Variants in ST8SIA1 observed in about 807,000 individuals in gnomAD.
ST8SIA1 encodes the protein ST8 alpha-N-acetyl-neuraminide alpha-2,8-sialyltransferase 1, also known as alpha-N-acetylneuraminide alpha-2,8-sialyltransferase.
ST8SIA1 carries 16 observed loss-of-function variants against 35.9 expected under a neutral mutation model. The observed-to-expected ratio is 0.45, with a 90% CI of 0.30 to 0.68. ST8SIA1 has a LOEUF of 0.68. ST8SIA1 is among the 30% of genes least tolerant of loss of function. ST8SIA1 has a pLI of 0.09. For missense variants in ST8SIA1, 383 were observed against 453.6 expected (o/e 0.84, Z 1.41); for synonymous variants, 170 against 169.6 (o/e 1.00, Z -0.02).
intron 2 of ST8SIA1, among the ~76,000 whole-genome samples, chr12:22,262,818 C>G (rs1331954664): frequency 6.6e-6 from 1 of 152,160 alleles, no homozygotes; most frequent in Admixed American, 6.5e-5. Flanking sequence ...AAATCAGCAT[C>G]ATGCATTGGT....
At chr12:22,256,840 C>A (rs1403861516) in intron 2 of ST8SIA1, among the ~76,000 whole-genome samples, 2 of 152,182 alleles carry the variant, frequency 1.3e-5, no homozygotes, top group African/African-American at 4.8e-5. Context: ...ACCAGCCCAA[C>A]AAACATCAGA....
At chr12:22,297,915 C>T (rs780598415) in intron 1 of ST8SIA1, among the ~76,000 whole-genome samples, 2 of 152,036 alleles carry the variant, frequency 1.3e-5, no homozygotes, top group African/African-American at 2.4e-5. Flanking sequence ...AGCGGGATTA[C>T]AGGATTAGAA....
rs1591820450 is a variant in ST8SIA1, at chr12:22,195,337, G to C, written c.*6215C>G. The C allele has an allele frequency of 2.6e-5, 4 of 152,234 alleles. No individual in the cohort carries two copies. In the East Asian group the frequency reaches 7.7e-4, roughly 29 times the overall value. The allele number at this position is 152,234 out of a possible 1,614,324, so 9.4% of individuals were successfully genotyped here. On this transcript the variant is annotated 3_prime_UTR_variant, in exon 5 of 5. Transcript: ENST00000396037. The stretch of plus-strand genomic sequence containing the variant: ...CCTTGATACTGTCATGGTCCAAGTG[G>C]GTAAACAGGTACCACTCTGTTCTCT...
At position 22,324,586 on chromosome 12, in the gene ST8SIA1, C is replaced by T. The variant is rs115115374; in HGVS notation, c.236+9411G>A. ...ATTATATTTTTGTTTCATTTATACA[C>T]ACATTGGCATTGAATGATCCAGAAG... On this transcript the variant is annotated intron_variant, in intron 1 of 4. Transcript: ENST00000396037. 579 of 152,228 alleles carry T rather than the reference C, an allele frequency of 3.8e-3. 5 individuals carry two copies. The highest frequency in any genetic ancestry group is 0.013 in the African/African-American group (548 of 41,550). The allele number at this position is 152,228 out of a possible 1,614,324, so 9.4% of individuals were successfully genotyped here.
rs188696152 is a variant in ST8SIA1, at chr12:22,281,462, A to G, written c.381+5687T>C. Among the ~76,000 whole-genome samples, 6 of 152,296 alleles carry G rather than the reference A, an allele frequency of 3.9e-5. No homozygotes were observed. In the East Asian group the frequency reaches 7.7e-4, roughly 20 times the overall value. On this transcript the variant is annotated intron_variant, in intron 2 of 4. Transcript: ENST00000396037. ...CAGGGCCAATTACCTTAATTATTCA[A>G]TAGTAGTGGAACCATGTTCTAGATT...
At chr12:22,224,349 G>A (rs1022950807) in intron 4 of ST8SIA1, among the ~76,000 whole-genome samples, 9 of 148,260 alleles carry the variant, frequency 6.1e-5, no homozygotes, top group Admixed American at 6.8e-5. Flanking sequence ...CTTACTCTGC[G>A]CCCAGGCTGG....
rs1329762794 is a variant in ST8SIA1, at chr12:22,334,239, C to T, written c.-7G>A. 2 of 1,608,510 alleles carry T rather than the reference C, an allele frequency of 1.2e-6. No homozygotes were observed. The highest frequency in any genetic ancestry group is 1.7e-5 in the Admixed American group (1 of 59,750). On this transcript the variant is annotated 5_prime_UTR_variant, in exon 1 of 5. Transcript: ENST00000396037. ...CCCGCCCGCAGGGGCTCATCGCAGCCCCGGCGTCCCAGGGGCGGGGGCCGG... is the reference window on the plus strand; with the variant it reads ...CCCGCCCGCAGGGGCTCATCGCAGCTCCGGCGTCCCAGGGGCGGGGGCCGG...
At chr12:22,246,869 A>C (rs565080992) in intron 4 of ST8SIA1, among the ~76,000 whole-genome samples, 1 of 152,294 alleles carries the variant, frequency 6.6e-6, no homozygotes, top group Middle Eastern at 3.4e-3. Context: ...ACTGCCTATA[A>C]AGGGCACAGA....
chr12:22,231,764 G>A (rs924176925), intron 4 of ST8SIA1, among the ~76,000 whole-genome samples: 4 of 151,808 alleles, frequency 2.6e-5, no homozygotes, highest in Admixed American at 6.6e-5. Flanking sequence ...TAGTAGAGAC[G>A]GGGTTTCACC....
chr12:22,234,057 C>T (rs1865448423), intron 4 of ST8SIA1, among the ~76,000 whole-genome samples: 2 of 152,022 alleles, frequency 1.3e-5, no homozygotes, highest in South Asian at 4.2e-4. Context: ...GTCAGGAGTT[C>T]GACACCAGTC....
intron 4 of ST8SIA1, among the ~76,000 whole-genome samples, chr12:22,230,694 A>T (rs1226881347): frequency 6.6e-6 from 1 of 152,188 alleles, no homozygotes; most frequent in African/African-American, 2.4e-5. Flanking sequence ...TTCAACAAAG[A>T]TATGTTTATC....
At chr12:22,225,043 T>C (rs150014031) in intron 4 of ST8SIA1, among the ~76,000 whole-genome samples, 1 of 152,120 alleles carries the variant, frequency 6.6e-6, no homozygotes. Flanking sequence ...GCTGAGTCTA[T>C]CAGCCAGGAA....
chr12:22,315,646 A>G (rs1417883343), intron 1 of ST8SIA1, among the ~76,000 whole-genome samples: 3 of 152,098 alleles, frequency 2.0e-5, no homozygotes, highest in East Asian at 1.9e-4. Flanking sequence ...AGTGAAGGGC[A>G]AGAGGAGAAT....
At chr12:22,319,489 C>A (rs1372486897) in intron 1 of ST8SIA1, among the ~76,000 whole-genome samples, 1 of 152,208 alleles carries the variant, frequency 6.6e-6, no homozygotes, top group Admixed American at 6.5e-5. Flanking sequence ...TTAATTGGTT[C>A]TTTCCTTTTG....
chr12:22,220,661 T>C (rs1446317904), intron 4 of ST8SIA1, among the ~76,000 whole-genome samples: 1 of 152,192 alleles, frequency 6.6e-6, no homozygotes, highest in African/African-American at 2.4e-5. Flanking sequence ...TCTTTCAAAG[T>C]AAAAACAGTG....
intron 1 of ST8SIA1, among the ~76,000 whole-genome samples, chr12:22,332,983 C>A (rs141899362): frequency 5.3e-5 from 8 of 152,146 alleles, no homozygotes; most frequent in Non-Finnish European, 1.0e-4. Context: ...GTGAAAGGGG[C>A]ACCTCGCAGT....
chr12:22,266,164 C>T (rs907067713), intron 2 of ST8SIA1, among the ~76,000 whole-genome samples: 2 of 151,898 alleles, frequency 1.3e-5, no homozygotes, highest in Non-Finnish European at 2.9e-5. Flanking sequence ...TACTCTATTA[C>T]CTGCCTTCCA....
intron 1 of ST8SIA1, among the ~76,000 whole-genome samples, chr12:22,290,534 G>GCA (rs1866161604): frequency 6.6e-6 from 1 of 150,982 alleles, no homozygotes; most frequent in South Asian, 2.1e-4. Flanking sequence ...AAGAAAAGGG[G>GCA]CACCAACAAG....
chr12:22,314,323 C>A (rs1164612938), intron 1 of ST8SIA1, among the ~76,000 whole-genome samples: 1 of 152,090 alleles, frequency 6.6e-6, no homozygotes, highest in African/African-American at 2.4e-5. Context: ...AGAAGAAAGC[C>A]AGCCAGTATG....
Sources: gnomAD v4.1 joint callset for allele counts (sites outside exome capture counted in the v4.1 genomes callset) on GRCh38, gnomAD v4.1.1 for gene constraint, MANE v1.5 for transcripts, NCBI Gene and HGNC (gene_info 2026-07-23, HGNC 2026-07-21) for gene names.